HADHA: variants seen among roughly 807,000 people sequenced by gnomAD.
HADHA encodes the protein hydroxyacyl-CoA dehydrogenase trifunctional multienzyme complex subunit alpha.
Under a neutral mutation model 91.3 loss-of-function variants are expected in HADHA, and 59 were observed. The observed-to-expected ratio is 0.65, with a 90% CI of 0.52 to 0.80. HADHA has a LOEUF of 0.80. Ranked by LOEUF, HADHA falls within the 30% of genes least tolerant of loss-of-function variation. HADHA has a pLI of 0.00. For missense variants in HADHA, 800 were observed against 927.6 expected (o/e 0.86, Z 1.79); for synonymous variants, 320 against 338.9 (o/e 0.94, Z 0.61).
chr2:26,231,512 T>A (rs1441331213), intron 6 of HADHA, among the ~76,000 whole-genome samples: 1 of 152,186 alleles, frequency 6.6e-6, no homozygotes, highest in Non-Finnish European at 1.5e-5. Context: ...CCTCTTATAT[T>A]TGTAATGAAA....
At position 26,229,721 on chromosome 2, in the gene HADHA, A is replaced by G. The variant is rs1670572959; in HGVS notation, c.676+471T>C. 6.6e-6 allele frequency among the ~76,000 whole-genome samples: 1 copy of G among 152,132 alleles called. No homozygotes were observed. The highest frequency in any genetic ancestry group is 2.4e-5 in the African/African-American group (1 of 41,432). The stretch of plus-strand genomic sequence containing the variant: ...AAAATAAAAATCAGGGTGATGTTGA[A>G]AATGATTTAGTATTAGCTATTTTAT... On this transcript the variant is annotated intron_variant, in intron 7 of 19. Coordinates refer to ENST00000380649, the MANE Select transcript of HADHA (RefSeq NM_000182.5). This position sits in a 1 kb window ranked among gnomAD's most constrained non-coding sequence, Gnocchi z 4.3.
chr2:26,231,767 G>A (rs1670629028), intron 6 of HADHA, among the ~76,000 whole-genome samples: 1 of 151,984 alleles, frequency 6.6e-6, no homozygotes, highest in Non-Finnish European at 1.5e-5. Flanking sequence ...GGGAGTTCAA[G>A]ACCAGCCTGG....
At position 26,191,552 on chromosome 2, in the gene HADHA, T is replaced by C. The variant is rs1017968154; in HGVS notation, c.2077A>G (p.Ile693Val). 6 of 1,613,876 alleles carry C rather than the reference T, an allele frequency of 3.7e-6. No individual in the cohort carries two copies. The highest frequency in any genetic ancestry group is 1.7e-5 in the Admixed American group (1 of 60,006). Residue 693 changes from isoleucine (I) to valine (V), a missense_variant, in exon 19 of 20, where the codon ATC (isoleucine) becomes GTC (valine). By Grantham distance (29) the Ile-to-Val change is conservative. Transcript: ENST00000380649. ...NEAVMCLQEG[I>V]LATPAEGDIG... Reference sequence around the variant, plus strand: ...TCTCCCTCTGCAGGTGTGGCCAAGATCCCCTCTTGCAGGCACATGACTGCC... The same window carrying C: ...TCTCCCTCTGCAGGTGTGGCCAAGACCCCCTCTTGCAGGCACATGACTGCC...
At chr2:26,217,676 G>C (rs1670272560) in intron 7 of HADHA, among the ~76,000 whole-genome samples, 1 of 152,146 alleles carries the variant, frequency 6.6e-6, no homozygotes, top group Admixed American at 6.5e-5. Flanking sequence ...TGAGGTGGGA[G>C]GATCACGTGA....
At chr2:26,235,463 T>C (rs1211895178) in intron 4 of HADHA, among the ~76,000 whole-genome samples, 2 of 152,260 alleles carry the variant, frequency 1.3e-5, no homozygotes, top group African/African-American at 4.8e-5. Flanking sequence ...TGTAATTTTA[T>C]ACACTGAGAG....
Position 26,191,327 on chromosome 2 carries a change from C to G in HADHA, c.2215G>C (p.Ala739Pro), listed in dbSNP as rs141164185. The part of the protein sequence containing the change: ...IVDRLKKYEA[A>P]YGKQFTPCQL... The stretch of plus-strand genomic sequence containing the variant: ...CATGGGGTGAACTGTTTTCCATAGG[C>G]AGCTTCATATTTCTTGAGCCGGTCC... The change falls in exon 20 of 20, where the codon GCC (alanine) becomes CCC (proline). Residue 739 changes from alanine (A) to proline (P), a missense_variant. By Grantham distance (27) the Ala-to-Pro change is conservative. Transcript: ENST00000380649. 52 of 1,614,038 alleles carry G rather than the reference C, an allele frequency of 3.2e-5. No individual in the cohort carries two copies. The African/African-American group carries it at 5.2e-4, about 16-fold the overall frequency.
Position 26,194,565 on chromosome 2 carries a change from C to G in HADHA, c.1689+5G>C, listed in dbSNP as rs1669607968. 1 of 1,589,376 alleles carries G rather than the reference C, an allele frequency of 6.3e-7. No individual in the cohort carries two copies. ...GCCGCAAACACTCTGGAGAGCAATA[C>G]CAACCTGGAGGATTCGGATGACTTC... is the stretch of plus-strand genomic sequence containing the variant. On this transcript the variant is annotated splice_donor_5th_base_variant and intron_variant, in intron 16 of 19. Transcript: ENST00000380649.
At chr2:26,192,066 GT>G (rs1669522960) in intron 18 of HADHA, among the ~76,000 whole-genome samples, 1 of 152,202 alleles carries the variant, frequency 6.6e-6, no homozygotes, top group Admixed American at 6.5e-5. Context: ...CAAGGAGCAC[GT>G]GCGAGGGCCT....
intron 1 of HADHA, among the ~76,000 whole-genome samples, chr2:26,239,715 G>A (rs1670846326): frequency 1.3e-5 from 2 of 151,464 alleles, no homozygotes; most frequent in Admixed American, 1.3e-4. Context: ...GAAAGGCAAG[G>A]TGACACATTA....
chr2:26,209,489 G>T (rs1377417619), intron 11 of HADHA, among the ~76,000 whole-genome samples: 4 of 152,138 alleles, frequency 2.6e-5, no homozygotes, highest in African/African-American at 9.7e-5. Context: ...CAGTGCAGAG[G>T]GAGTGTGTGG....
Position 26,191,371 on chromosome 2 carries a change from T to A in HADHA, c.2171A>T (p.Tyr724Phe). 6.2e-7 allele frequency: 1 copy of A among 1,614,128 alleles called. No individual in the cohort carries two copies. Among genetic ancestry groups the A allele is most frequent in the Non-Finnish European group, 8.5e-7 (1 of 1,180,012 alleles). The change falls in exon 20 of 20, where the codon TAT becomes TTT. Residue 724 changes from tyrosine to phenylalanine, a missense_variant. Tyr to Phe is a conservative substitution (Grantham distance 22). Transcript: ENST00000380649. ...LGGPFRFVDLYGAQKIVDRLK... is the reference protein window; with the variant it reads ...LGGPFRFVDLFGAQKIVDRLK... ...CCGGTCCACTATCTTCTGGGCGCCATACAGATCCACAAAGCGGAAAGGCCC... is the reference window on the plus strand; with the variant it reads ...CCGGTCCACTATCTTCTGGGCGCCAAACAGATCCACAAAGCGGAAAGGCCC...
intron 11 of HADHA, among the ~76,000 whole-genome samples, chr2:26,204,721 C>A (rs1170151507): frequency 3.9e-5 from 6 of 152,148 alleles, no homozygotes; most frequent in African/African-American, 1.2e-4. Flanking sequence ...GTAGCTCGGA[C>A]TAAAGGTGCA....
At chr2:26,231,962 T>A (rs1464120724) in intron 6 of HADHA, among the ~76,000 whole-genome samples, 198 bp downstream of exon 6, 1 of 139,556 alleles carries the variant, frequency 7.2e-6, no homozygotes, top group Non-Finnish European at 1.6e-5. Context: ...GAGCAAGATT[T>A]TGTCTCAAAA....
intron 13 of HADHA, among the ~76,000 whole-genome samples, chr2:26,198,148 G>A (rs954051235): frequency 6.6e-6 from 1 of 152,066 alleles, no homozygotes; most frequent in African/African-American, 2.4e-5. Flanking sequence ...CTCCTCTTTT[G>A]TTTGGATCTG....
intron 6 of HADHA, among the ~76,000 whole-genome samples, chr2:26,231,531 T>C (rs1002382386): frequency 1.2e-4 from 18 of 152,352 alleles, no homozygotes; most frequent in African/African-American, 4.3e-4. Context: ...AATATTAATA[T>C]GACTCATGGT....
rs746940690 is a variant in HADHA at position 26,230,182 on chromosome 2, T to C, written c.676+10A>G. 8.5e-6 allele frequency: 13 copies of C among 1,526,518 alleles called. No homozygotes were observed. The highest frequency in any genetic ancestry group is 8.2e-6 in the Non-Finnish European group (9 of 1,100,140). 94.6% of individuals were successfully genotyped at this position (1,526,518 alleles called of 1,614,324 possible). Reference sequence around the variant, plus strand: ...TATAAGGTCTGACTCTGAGATGTGCTAACACTTACCCAGGGGTTCCACCAG... The same window carrying C: ...TATAAGGTCTGACTCTGAGATGTGCCAACACTTACCCAGGGGTTCCACCAG... On this transcript the variant is annotated intron_variant, in intron 7 of 19. Transcript: ENST00000380649.
intron 18 of HADHA, 62 bp from the exon 19 acceptor site, chr2:26,191,690 C>T: frequency 2.6e-6 from 4 of 1,559,954 alleles, no homozygotes; most frequent in Non-Finnish European, 3.5e-6. Context: ...GCCAGAGCCG[C>T]AGATGCAGAA....
chr2:26,224,734 G>A (rs1224082037), intron 7 of HADHA, among the ~76,000 whole-genome samples: 1 of 152,204 alleles, frequency 6.6e-6, no homozygotes, highest in Non-Finnish European at 1.5e-5. Flanking sequence ...TAGGAGATGT[G>A]TATGGGTGTC....
Position 26,201,315 on chromosome 2 carries a change from T to A in HADHA, c.1226A>T (p.Asn409Ile). 6.2e-7 allele frequency: 1 copy of A among 1,606,294 alleles called. No individual in the cohort carries two copies. Among genetic ancestry groups the A allele is most frequent in the South Asian group, 1.1e-5 (1 of 90,904 alleles). Residue 409 changes from asparagine (N) to isoleucine (I), a missense_variant, in exon 13 of 20, where the codon AAT becomes ATT. Asn to Ile is a moderately radical substitution (Grantham distance 149). Coordinates refer to ENST00000380649, the MANE Select transcript of HADHA (RefSeq NM_000182.5). ...RGQQQVFKGLNDKVKKKALTS... is the reference protein window; with the variant it reads ...RGQQQVFKGLIDKVKKKALTS... ...TAGAGCTTTCTTCTTCACTTTGTCA[T>A]TCAATCTAGAAAAAACACATTCCTA...
Sources: allele counts gnomAD v4.1 joint callset (sites outside exome capture counted in the v4.1 genomes callset), GRCh38; gene constraint gnomAD v4.1.1; non-coding constraint Gnocchi (gnomAD v3.1); transcripts MANE v1.5; gene names NCBI Gene and HGNC (gene_info 2026-07-23, HGNC 2026-07-21).